The following TTC28 variants were observed in gnomAD, a reference collection of about 807,000 sequenced individuals.
The protein encoded by TTC28 is tetratricopeptide repeat domain 28.
In TTC28, 61 loss-of-function variants were observed where a neutral mutation model predicts 198.0. The ratio of observed to expected loss-of-function variants is 0.31; its 90% CI spans 0.25 to 0.38. The LOEUF (loss-of-function observed/expected upper bound fraction) is 0.38. TTC28 is among the 10% of genes least tolerant of loss of function. The pLI is 1.00. For missense variants in TTC28, 2,678 were observed against 3,164.0 expected, an observed-to-expected ratio of 0.85 and a Z score of 3.69; for synonymous variants, 1,171 against 1,297.8, an observed-to-expected ratio of 0.90 and a Z score of 2.10.
At chr22:28,001,220 C>G (rs1461376411) in intron 15 of TTC28, 154 bp downstream of exon 15, 2 of 1,025,574 alleles carry the variant, frequency 2.0e-6, no homozygotes, top group African/African-American at 3.2e-5. Flanking sequence ...CAGACCTACT[C>G]TAAAGTCACG....
intron 13 of TTC28, among the ~76,000 whole-genome samples, chr22:28,020,435 A>G (rs1369350072): frequency 6.6e-6 from 1 of 152,120 alleles, no homozygotes; most frequent in African/African-American, 2.4e-5. Context: ...ATGCAGAGAG[A>G]GGTGAGGCCA....
chr22:27,982,987 GAT>G lies in TTC28; in HGVS notation c.6678_6679del (p.Ser2227ThrfsTer5). The G allele has an allele frequency of 1.9e-6, 3 of 1,551,722 alleles. No homozygotes were observed. The highest frequency in any genetic ancestry group is 2.6e-6 in the Non-Finnish European group (3 of 1,147,002). On this transcript the variant is annotated frameshift_variant, in exon 23 of 23. Transcript: ENST00000397906. LOFTEE classifies it high-confidence loss of function. This position sits in a 1 kb window ranked among gnomAD's most constrained non-coding sequence, Gnocchi z 5.2. The stretch of plus-strand genomic sequence containing the variant: ...GGGCTTTGGTTTAACAGTGACTGGT[GAT>G]GGCTGACTCTTCTGATGGGAGAGAA...
chr22:28,325,277 T>C (rs941027441), intron 2 of TTC28, among the ~76,000 whole-genome samples: 9 of 152,216 alleles, frequency 5.9e-5, no homozygotes, highest in Non-Finnish European at 8.8e-5. Context: ...GTGTTTATAG[T>C]ATTCTCTGAT....
At chr22:28,235,046 G>A (rs1199784148) in intron 5 of TTC28, among the ~76,000 whole-genome samples, 2 of 152,190 alleles carry the variant, frequency 1.3e-5, no homozygotes, top group Admixed American at 1.3e-4. Flanking sequence ...AGACTGAGAT[G>A]TTTAATCTAG....
chr22:28,012,348 A>G (rs1365501246), intron 14 of TTC28, among the ~76,000 whole-genome samples: 2 of 152,160 alleles, frequency 1.3e-5, no homozygotes, highest in Non-Finnish European at 2.9e-5. Flanking sequence ...GGACTGCAAG[A>G]ATGTGCATGC....
At chr22:27,984,322 C>G (rs1937133824) in intron 22 of TTC28, among the ~76,000 whole-genome samples, 1 of 152,146 alleles carries the variant, frequency 6.6e-6, no homozygotes, top group Admixed American at 6.5e-5. Flanking sequence ...ATTCTCTCAA[C>G]TTAGTCCATT....
At chr22:28,059,395 A>G (rs1024397746) in intron 12 of TTC28, among the ~76,000 whole-genome samples, 1 of 152,080 alleles carries the variant, frequency 6.6e-6, no homozygotes, top group African/African-American at 2.4e-5. Flanking sequence ...TGTGGTCAGA[A>G]CATGTACCCT....
chr22:28,458,217 A>G (rs2047893946), intron 2 of TTC28, among the ~76,000 whole-genome samples: 1 of 152,194 alleles, frequency 6.6e-6, no homozygotes, highest in Non-Finnish European at 1.5e-5. Flanking sequence ...ATCCAAAATA[A>G]TAACACAATA....
At chr22:28,296,177 G>T in intron 5 of TTC28, 21 bp downstream of exon 5, 1 of 1,527,930 alleles carries the variant, frequency 6.5e-7, no homozygotes, top group South Asian at 1.3e-5. Flanking sequence ...AATGTTTTTG[G>T]TCTGCAGATA....
At chr22:28,182,974 T>C (rs961714848) in intron 5 of TTC28, among the ~76,000 whole-genome samples, 2 of 152,152 alleles carry the variant, frequency 1.3e-5, no homozygotes, top group African/African-American at 2.4e-5. Flanking sequence ...CAAGCAGCCC[T>C]TAAGGAAATC....
intron 6 of TTC28, among the ~76,000 whole-genome samples, chr22:28,131,459 T>C (rs1348110368): frequency 6.6e-6 from 1 of 152,256 alleles, no homozygotes; most frequent in African/African-American, 2.4e-5. Context: ...CGTAGCATGC[T>C]GGTTGTTTAC....
At chr22:28,534,332 T>C (rs948479303) in intron 2 of TTC28, among the ~76,000 whole-genome samples, 4 of 152,136 alleles carry the variant, frequency 2.6e-5, no homozygotes, top group African/African-American at 9.7e-5. Context: ...TCACTGGCCA[T>C]CAGAGAAATG....
At chr22:28,243,457 G>A (rs1443569847) in intron 5 of TTC28, among the ~76,000 whole-genome samples, 2 of 123,588 alleles carry the variant, frequency 1.6e-5, no homozygotes, top group Non-Finnish European at 3.5e-5. Context: ...GTTTTTATTT[G>A]TATTTTACAA....
intron 2 of TTC28, among the ~76,000 whole-genome samples, chr22:28,315,603 G>A (rs772197856): frequency 1.3e-5 from 2 of 152,102 alleles, no homozygotes; most frequent in African/African-American, 4.8e-5. Flanking sequence ...TTATATGAAT[G>A]TCCAATTGTT....
intron 2 of TTC28, among the ~76,000 whole-genome samples, chr22:28,422,475 G>T (rs1388267686): frequency 6.7e-6 from 1 of 149,018 alleles, no homozygotes; most frequent in African/African-American, 2.5e-5. Flanking sequence ...GTCTCGCTCT[G>T]TCGCCAAGGC....
At chr22:28,547,202 A>ATGTGTGTGTGTGAG (rs1555891307) in intron 2 of TTC28, among the ~76,000 whole-genome samples, 1 of 149,544 alleles carries the variant, frequency 6.7e-6, no homozygotes, top group Non-Finnish European at 1.5e-5. Context: ...GCATGTGTGT[A>ATGTGTGTGTGTGAG]TGTGTGTGTG....
At chr22:28,165,333 C>T (rs952415653) in intron 5 of TTC28, among the ~76,000 whole-genome samples, 1 of 152,090 alleles carries the variant, frequency 6.6e-6, no homozygotes, top group Admixed American at 6.5e-5. Context: ...GAGAACACCA[C>T]AAAGATACTC....
chr22:28,565,114 C>T (rs1461482342), intron 2 of TTC28, among the ~76,000 whole-genome samples: 2 of 151,688 alleles, frequency 1.3e-5, no homozygotes, highest in African/African-American at 2.4e-5. Context: ...CAGTACAGTT[C>T]TCTAGGTTAA....
intron 2 of TTC28, among the ~76,000 whole-genome samples, chr22:28,492,997 G>A (rs1216929586): frequency 6.8e-6 from 1 of 146,222 alleles, no homozygotes; most frequent in Admixed American, 6.9e-5. Flanking sequence ...CACTGAAAAG[G>A]ACAACAGATT....
Sources: allele counts gnomAD v4.1 joint callset (sites outside exome capture counted in the v4.1 genomes callset), GRCh38; gene constraint gnomAD v4.1.1; non-coding constraint Gnocchi (gnomAD v3.1); transcripts MANE v1.5; gene names NCBI Gene and HGNC (gene_info 2026-07-23, HGNC 2026-07-21).